Variants in KCNN4 observed in about 807,000 individuals in gnomAD.
KCNN4 encodes the protein potassium calcium-activated channel subfamily N member 4, also known as intermediate conductance calcium-activated potassium channel protein 4.
KCNN4 carries 31 observed loss-of-function variants against 45.2 expected under a neutral mutation model. The observed-to-expected ratio is 0.69, with a 90% CI of 0.52 to 0.92. The LOEUF is 0.92. KCNN4 is among the 40% of genes least tolerant of loss of function. The pLI is 0.00. For synonymous variants in KCNN4, 231 were observed against 254.6 expected, an observed-to-expected ratio of 0.91 and a Z score of 0.88; for missense variants, 463 against 574.0, an observed-to-expected ratio of 0.81 and a Z score of 1.98.
At position 43,774,512 on chromosome 19, in the gene KCNN4, G is replaced by A. The variant is rs1284518889; in HGVS notation, c.363C>T (p.Pro121=). Residue 121 remains proline, a synonymous_variant, in exon 3 of 9, where the codon CCC becomes CCT. Transcript: ENST00000648319. This position sits in a 1 kb window ranked among gnomAD's most constrained non-coding sequence, Gnocchi z 5.6. ...ELVVCGLHPA[P]VRGPPCVQDL... is the part of the protein sequence containing the mutation. ...CCTGCACGCACGGCGGGCCCCGCAC[G>A]GGCGCCGGGTGCAGCCCACACACCA... The A allele has an allele frequency of 1.3e-6, 2 of 1,596,696 alleles. No individual in the cohort carries two copies. Among genetic ancestry groups the A allele is most frequent in the East Asian group, 2.2e-5 (1 of 44,500 alleles).
Position 43,774,109 on chromosome 19 carries a change from C to T in KCNN4, c.683+83G>A. On this transcript the variant is annotated intron_variant, in intron 3 of 8. Coordinates refer to ENST00000648319, the MANE Select transcript of KCNN4 (RefSeq NM_002250.3). This position sits in a 1 kb window ranked among gnomAD's most constrained non-coding sequence, Gnocchi z 5.6. ...TTCTCCACTGCTTGGTCCTAGGGGG[C>T]CTCAACCTGCACCGCGGCACAGGAC... 4 of 1,391,966 alleles carry T rather than the reference C, an allele frequency of 2.9e-6. No individual in the cohort carries two copies. The highest frequency in any genetic ancestry group is 2.7e-5 in the South Asian group (2 of 72,838). 86.2% of individuals were successfully genotyped at this position (1,391,966 alleles called of 1,614,324 possible). A position where few individuals can be genotyped will look rare whatever the true frequency, so the allele number is the denominator to read the frequency against.
chr19:43,768,841 C>A (rs998230747), intron 7 of KCNN4, 122 bp downstream of exon 7: 36 of 860,492 alleles, frequency 4.2e-5, no homozygotes, highest in Non-Finnish European at 6.5e-5. Context: ...AACCACAGAC[C>A]TTTACTGACA....
At chr19:43,768,229 G>A (rs755091593) in intron 7 of KCNN4, among the ~76,000 whole-genome samples, 16 of 152,230 alleles carry the variant, frequency 1.1e-4, no homozygotes, top group East Asian at 1.9e-4. Context: ...CCACTGCCTC[G>A]TCACTGAGAC....
In KCNN4 at chr19:43,780,707, C is replaced by T; in HGVS notation, c.155G>A (p.Cys52Tyr). 1 of 1,612,632 alleles carries T rather than the reference C, an allele frequency of 6.2e-7. No individual in the cohort carries two copies. Among genetic ancestry groups the T allele is most frequent in the Non-Finnish European group, 8.5e-7 (1 of 1,179,442 alleles). ...LHAEMLWFGG[C>Y]SWALYLFLVK... The stretch of plus-strand genomic sequence containing the variant: ...CAGCCACCATGCCCCACTCACCGAG[C>T]ACCCCCCGAACCACAGCATCTCTGC... Residue 52 changes from cysteine (C) to tyrosine (Y), a missense_variant, in exon 1 of 9, where the codon TGC (cysteine) becomes TAC (tyrosine). By Grantham distance (194) the Cys-to-Tyr change is radical. Around this residue, in one of 3 missense-constraint regions of KCNN4, gnomAD observed 225 missense variants for 240.9 expected, o/e 0.93. Coordinates refer to ENST00000648319, the MANE Select transcript of KCNN4 (RefSeq NM_002250.3).
Position 43,774,099 on chromosome 19 carries a change from T to C in KCNN4, c.683+93A>G. 7.5e-7 allele frequency: 1 copy of C among 1,326,222 alleles called. No individual in the cohort carries two copies. The highest frequency in any genetic ancestry group is 1.0e-6 in the Non-Finnish European group (1 of 966,432). 82.2% of individuals were successfully genotyped at this position (1,326,222 alleles called of 1,614,324 possible). A position where few individuals can be genotyped will look rare whatever the true frequency, so the allele number is the denominator to read the frequency against. The stretch of plus-strand genomic sequence containing the variant: ...AGTGTGAACTTTCTCCACTGCTTGG[T>C]CCTAGGGGGCCTCAACCTGCACCGC... On this transcript the variant is annotated intron_variant, in intron 3 of 8. Transcript: ENST00000648319. This position sits in a 1 kb window ranked among gnomAD's most constrained non-coding sequence, Gnocchi z 5.6.
rs1341503195 is a variant in KCNN4 at position 43,780,916 on chromosome 19, C to T, written c.-55G>A. 2 of 1,575,740 alleles carry T rather than the reference C, an allele frequency of 1.3e-6. No individual in the cohort carries two copies. Among genetic ancestry groups the T allele is most frequent in the African/African-American group, 1.3e-5 (1 of 74,344 alleles). ...TTCCTGCCCAGGGTCCCCCACCTCG[C>T]AGCACGCACAGGGCAGCCACTGTGG... On this transcript the variant is annotated 5_prime_UTR_variant, in exon 1 of 9. Transcript: ENST00000648319.
intron 1 of KCNN4, among the ~76,000 whole-genome samples, chr19:43,777,355 C>T (rs1284255202): frequency 6.8e-6 from 1 of 146,472 alleles, no homozygotes; most frequent in Non-Finnish European, 1.5e-5. Flanking sequence ...TAGAAAAAGA[C>T]ATCTAGCCTC....
At position 43,769,672 on chromosome 19, in the gene KCNN4, G is replaced by A. The variant is rs182150133; in HGVS notation, c.930+47C>T. On this transcript the variant is annotated intron_variant, in intron 5 of 8. Transcript: ENST00000648319. The surrounding 1 kb of genome is among the most constrained non-coding windows in gnomAD (Gnocchi z 4.4). Reference sequence around the variant, plus strand: ...GGGAAGCAGGGGCGCCTGGACTCCTGCTTCTTGGAAGAGGGGTGTCCCATG... The same window carrying A: ...GGGAAGCAGGGGCGCCTGGACTCCTACTTCTTGGAAGAGGGGTGTCCCATG... 1.2e-5 allele frequency: 19 copies of A among 1,570,498 alleles called. No homozygotes were observed. In the Admixed American group the frequency reaches 2.5e-4, roughly 21 times the overall value.
chr19:43,777,326 G>GT (rs1555725374), intron 1 of KCNN4, among the ~76,000 whole-genome samples: 28,104 of 141,160 alleles, frequency 0.2, 2,928 homozygotes, highest in Non-Finnish European at 0.22. Context: ...TGTGTGTGTG[G>GT]GTGTGTGTGT....
Position 43,774,649 on chromosome 19 carries a change from T to C in KCNN4, c.256-30A>G. ...CGGTAGGGGGCCAAGAAGGGAGGGG[T>C]CAGGAGCAGGTCAGGCGCAGGTCAG... On this transcript the variant is annotated intron_variant, in intron 2 of 8. Coordinates refer to ENST00000648319, the MANE Select transcript of KCNN4 (RefSeq NM_002250.3). This position sits in a 1 kb window ranked among gnomAD's most constrained non-coding sequence, Gnocchi z 5.6. The C allele has an allele frequency of 6.8e-7, 1 of 1,475,504 alleles. No homozygotes were observed. 91.4% of individuals were successfully genotyped at this position (1,475,504 alleles called of 1,614,324 possible). A position where few individuals can be genotyped will look rare whatever the true frequency, so the allele number is the denominator to read the frequency against.
chr19:43,767,644 G>A lies in KCNN4; in HGVS notation c.1183C>T (p.Gln395Ter). The A allele has an allele frequency of 1.9e-6, 3 of 1,614,186 alleles. No homozygotes were observed. The highest frequency in any genetic ancestry group is 1.7e-6 in the Non-Finnish European group (2 of 1,180,040). ...AGCTTCCCCGCCAGCGTGTCAATCT[G>A]TTTCTCCAGGGCCCGGTGTGAGCTG... is the stretch of plus-strand genomic sequence containing the variant. ...LSSSHRALEK[Q>*]IDTLAGKLDA... The change falls in exon 8 of 9, where the codon CAG becomes TAG. Residue 395 changes from glutamine to a stop codon, truncating the protein, a stop_gained. Transcript: ENST00000648319. LOFTEE classifies it high-confidence loss of function.
At position 43,769,279 on chromosome 19, in the gene KCNN4, A is replaced by G; in HGVS notation, c.1049+163T>C. On this transcript the variant is annotated intron_variant, in intron 6 of 8. Coordinates refer to ENST00000648319, the MANE Select transcript of KCNN4 (RefSeq NM_002250.3). The surrounding 1 kb of genome is among the most constrained non-coding windows in gnomAD (Gnocchi z 4.4). ...CGGAGACAAACCAGCACAGACACAT[A>G]GAGTCATGCACGGTCAGATCCAGGT... The G allele has an allele frequency of 1.4e-6, 1 of 689,698 alleles. No homozygotes were observed. The allele number at this position is 689,698 out of a possible 1,614,324, so 42.7% of individuals were successfully genotyped here.
Position 43,780,928 on chromosome 19 carries a change from GGCAGCCACTGTGGCTTGCA to G in KCNN4, c.-86_-68del. 6.6e-7 allele frequency: 1 copy of G among 1,526,356 alleles called. No individual in the cohort carries two copies. The highest frequency in any genetic ancestry group is 1.7e-5 in the Admixed American group (1 of 58,252). 94.6% of individuals were successfully genotyped at this position (1,526,356 alleles called of 1,614,324 possible). A position where few individuals can be genotyped will look rare whatever the true frequency, so the allele number is the denominator to read the frequency against. ...GTCCCCCACCTCGCAGCACGCACAG[GGCAGCCACTGTGGCTTGCA>G]GGTCGTCAGCCTGCTCTGCTGGCTC... is the stretch of plus-strand genomic sequence containing the variant. On this transcript the variant is annotated 5_prime_UTR_variant, in exon 1 of 9. Coordinates refer to ENST00000648319, the MANE Select transcript of KCNN4 (RefSeq NM_002250.3).
Position 43,769,383 on chromosome 19 carries a change from A to C in KCNN4, c.1049+59T>G. ...TGGACATGCACACACACAGCCGTGC[A>C]GAGAGGTGACTTGGACATGGGTGCA... On this transcript the variant is annotated intron_variant, in intron 6 of 8. Transcript: ENST00000648319. The surrounding 1 kb of genome is among the most constrained non-coding windows in gnomAD (Gnocchi z 4.4). 4 of 1,350,640 alleles carry C rather than the reference A, an allele frequency of 3.0e-6. No individual in the cohort carries two copies. Among genetic ancestry groups the C allele is most frequent in the African/African-American group, 1.4e-5 (1 of 70,034 alleles). 83.7% of individuals were successfully genotyped at this position (1,350,640 alleles called of 1,614,324 possible).
chr19:43,774,153 G>A lies in KCNN4; in HGVS notation c.683+39C>T. The A allele has an allele frequency of 6.4e-7, 1 of 1,569,668 alleles. No homozygotes were observed. The highest frequency in any genetic ancestry group is 8.7e-7 in the Non-Finnish European group (1 of 1,154,384). On this transcript the variant is annotated intron_variant, in intron 3 of 8. Transcript: ENST00000648319. The surrounding 1 kb of genome is among the most constrained non-coding windows in gnomAD (Gnocchi z 5.6). Reference sequence around the variant, plus strand: ...ACAGGACGGCCGCCGTGGCTGTCCGGGGTTCCCCCCTGCGCATTTATGCCT... The same window carrying A: ...ACAGGACGGCCGCCGTGGCTGTCCGAGGTTCCCCCCTGCGCATTTATGCCT...
intron 1 of KCNN4, among the ~76,000 whole-genome samples, chr19:43,779,275 G>A (rs947054998): frequency 3.3e-5 from 5 of 152,178 alleles, no homozygotes; most frequent in East Asian, 1.9e-4. Context: ...TTCCCACCTC[G>A]GCTTCTGGGT....
intron 2 of KCNN4, among the ~76,000 whole-genome samples, chr19:43,775,041 A>T (rs1321188251): frequency 6.6e-6 from 1 of 152,202 alleles, no homozygotes; most frequent in African/African-American, 2.4e-5. Context: ...TAACAAAGCC[A>T]TGGGCCGGGC....
At chr19:43,777,951 C>T (rs1599681373) in intron 1 of KCNN4, among the ~76,000 whole-genome samples, 1 of 152,190 alleles carries the variant, frequency 6.6e-6, no homozygotes, top group Non-Finnish European at 1.5e-5. Flanking sequence ...CTCCCCAACC[C>T]CCTATCAGAA....
chr19:43,767,460 G>T, intron 8 of KCNN4, 80 bp downstream of exon 8: 2 of 1,496,238 alleles, frequency 1.3e-6, no homozygotes, highest in Non-Finnish European at 9.0e-7. Context: ...GCCATCCCCC[G>T]CCCCCTTAGC....
Sources: allele counts gnomAD v4.1 joint callset (sites outside exome capture counted in the v4.1 genomes callset), GRCh38; gene constraint gnomAD v4.1.1; regional missense constraint gnomAD v4.1.1; non-coding constraint Gnocchi (gnomAD v3.1); transcripts MANE v1.5; gene names NCBI Gene and HGNC (gene_info 2026-07-23, HGNC 2026-07-21).